MCPH1: variants seen among roughly 807,000 people sequenced by gnomAD.
MCPH1 encodes microcephalin.
Under a neutral mutation model 84.5 loss-of-function variants are expected in MCPH1, and 104 were observed. The observed-to-expected ratio is 1.23, with a 90% CI of 1.05 to 1.45. The LOEUF is 1.45. Among genes scored for constraint, MCPH1 ranks in the 40% most tolerant of loss-of-function variants. The pLI, the probability that MCPH1 is intolerant of heterozygous loss-of-function variation, is 0.00. For synonymous variants in MCPH1, 514 were observed against 366.8 expected (o/e 1.40, Z -4.58); for missense variants, 1,498 against 1,005.7 (o/e 1.49, Z -6.62).
intron 12 of MCPH1, among the ~76,000 whole-genome samples, chr8:6,563,613 C>G (rs573632845): frequency 4.6e-5 from 7 of 152,210 alleles, no homozygotes; most frequent in African/African-American, 1.7e-4. Flanking sequence ...CTGTTTTTTC[C>G]TTTAGGAATA....
chr8:6,507,572 C>CTTTTTTTTT (rs35163014), intron 12 of MCPH1: 203 of 104,664 alleles, frequency 1.9e-3, no homozygotes, highest in Middle Eastern at 7.0e-3. Context: ...ACTTTCTTTT[C>CTTTTTTTTT]TTTTTTTTTT....
intron 3 of MCPH1, among the ~76,000 whole-genome samples, chr8:6,428,529 G>A (rs1043043745): frequency 1.3e-5 from 2 of 152,104 alleles, no homozygotes; most frequent in Admixed American, 6.6e-5. Context: ...CTATTCTCCC[G>A]CCAGCCAAGG....
chr8:6,532,377 G>A, intron 12 of MCPH1: 1 of 1,613,996 alleles, frequency 6.2e-7, no homozygotes. Context: ...CCGCTGTTTG[G>A]TTCAACAGGT....
At chr8:6,436,220 T>A in intron 5 of MCPH1, 58 bp downstream of exon 5, 1 of 1,560,168 alleles carries the variant, frequency 6.4e-7, no homozygotes, top group Non-Finnish European at 8.8e-7. Flanking sequence ...CTTGTTTAAT[T>A]TGCATGATGA....
At chr8:6,622,052 C>T (rs760860300) in intron 13 of MCPH1, 1 of 374,190 alleles carries the variant, frequency 2.7e-6, no homozygotes, top group Non-Finnish European at 5.3e-6. Context: ...TGTCCTGCTT[C>T]AGGAGTCCCT....
At chr8:6,555,686 C>T (rs1824481377) in intron 12 of MCPH1, among the ~76,000 whole-genome samples, 1 of 152,064 alleles carries the variant, frequency 6.6e-6, no homozygotes, top group East Asian at 1.9e-4. Flanking sequence ...TGGTTTTGAA[C>T]TCCTGAGCTC....
At chr8:6,629,859 C>G (rs950783880) in intron 13 of MCPH1, among the ~76,000 whole-genome samples, 2 of 152,146 alleles carry the variant, frequency 1.3e-5, no homozygotes. Context: ...CCCTGATTTT[C>G]AGTTTAGAAT....
chr8:6,585,447 G>A (rs945433946), intron 12 of MCPH1, among the ~76,000 whole-genome samples: 11 of 152,324 alleles, frequency 7.2e-5, no homozygotes, highest in African/African-American at 1.4e-4. Context: ...CGGGAACGCC[G>A]GCTTTTCCCG....
chr8:6,535,369 AT>A (rs1820293157), intron 12 of MCPH1, among the ~76,000 whole-genome samples: 1 of 152,188 alleles, frequency 6.6e-6, no homozygotes, highest in Non-Finnish European at 1.5e-5. Flanking sequence ...TACAGGCCCA[AT>A]TTTAAAAAAT....
intron 6 of MCPH1, 128 bp downstream of exon 6, chr8:6,439,224 GCTGGCTTTGTTTTCCAGAA>G: frequency 4.1e-6 from 4 of 965,152 alleles, no homozygotes; most frequent in Non-Finnish European, 6.1e-6. Flanking sequence ...TTATTTCATG[GCTGGCTTTGTTTTCCAGAA>G]AATCTTATGC....
rs1798262896 is a variant in MCPH1 at position 6,647,368 on chromosome 8, G to A, written c.*4319G>A. ...AGCCACTTTGAAACACCATTTGGCA[G>A]TTGCTTAAAAAATTGAACATTCAAC... On this transcript the variant is annotated 3_prime_UTR_variant, in exon 14 of 14. Transcript: ENST00000344683. The A allele has an allele frequency of 1.3e-5, 2 of 152,176 alleles. No homozygotes were observed. The highest frequency in any genetic ancestry group is 2.9e-5 in the Non-Finnish European group (2 of 68,036). 9.4% of individuals were successfully genotyped at this position (152,176 alleles called of 1,614,324 possible). A position where few individuals can be genotyped will look rare whatever the true frequency, so the allele number is the denominator to read the frequency against.
In MCPH1 at chr8:6,563,030, C is replaced by T; in HGVS notation, c.2215-58424C>T. On this transcript the variant is annotated intron_variant, in intron 12 of 13. Transcript: ENST00000344683. ...TGCCGTCTAAAACGCAGGGCTGCTA[C>T]GCTGCCATGGCTGGGTCCGTCAATG... The T allele has an allele frequency of 5.2e-6, 7 of 1,357,162 alleles. No individual in the cohort carries two copies. In the South Asian group the frequency reaches 8.7e-5, roughly 17 times the overall value. 84.1% of individuals were successfully genotyped at this position (1,357,162 alleles called of 1,614,324 possible).
chr8:6,469,737 G>A (rs755782588), intron 9 of MCPH1, among the ~76,000 whole-genome samples: 34 of 152,080 alleles, frequency 2.2e-4, no homozygotes, highest in Non-Finnish European at 4.0e-4. Flanking sequence ...CTAATAAAAC[G>A]GGTATATCTG....
intron 12 of MCPH1, among the ~76,000 whole-genome samples, chr8:6,604,941 A>G (rs1009282895): frequency 2.6e-5 from 4 of 152,278 alleles, no homozygotes; most frequent in African/African-American, 9.6e-5. Context: ...AAGGAACCAC[A>G]GAATCAAACA....
At chr8:6,468,293 C>T (rs1014447181) in intron 9 of MCPH1, among the ~76,000 whole-genome samples, 1 of 152,126 alleles carries the variant, frequency 6.6e-6, no homozygotes, top group Non-Finnish European at 1.5e-5. Context: ...TTGGATGTTC[C>T]CGGGTGTCAC....
intron 2 of MCPH1, among the ~76,000 whole-genome samples, chr8:6,409,776 G>T (rs1256506339): frequency 6.6e-6 from 1 of 152,144 alleles, no homozygotes. Flanking sequence ...GATGATCTAG[G>T]GGGTCAGGAC....
rs141535273 is a variant in MCPH1, at chr8:6,435,627, G to T, written c.322-421G>T. On this transcript the variant is annotated intron_variant, in intron 4 of 13. Coordinates refer to ENST00000344683, the MANE Select transcript of MCPH1 (RefSeq NM_024596.5). ...AGGTTCTGCCCGTGGTTACATGCTT[G>T]GTTCACCTGGGCATGCTCAAGTGAC... is the stretch of plus-strand genomic sequence containing the variant. Among the ~76,000 whole-genome samples the T allele has an allele frequency of 6.2e-4, 94 of 152,212 alleles. 2 individuals are homozygous for T. In the East Asian group the frequency reaches 0.012, roughly 19 times the overall value.
intron 9 of MCPH1, among the ~76,000 whole-genome samples, chr8:6,459,521 G>T (rs1282549126): frequency 6.6e-6 from 1 of 152,158 alleles, no homozygotes; most frequent in Non-Finnish European, 1.5e-5. Flanking sequence ...TCTTGTAATT[G>T]AATATTAATG....
chr8:6,628,481 A>AC (rs1488504564), intron 13 of MCPH1, among the ~76,000 whole-genome samples: 5 of 151,492 alleles, frequency 3.3e-5, no homozygotes, highest in African/African-American at 1.2e-4. Flanking sequence ...AAAAAAAAAA[A>AC]AAAAAAAAAA....
Sources: allele counts gnomAD v4.1 joint callset (sites outside exome capture counted in the v4.1 genomes callset), GRCh38; gene constraint gnomAD v4.1.1; transcripts MANE v1.5; gene names NCBI Gene and HGNC (gene_info 2026-07-23, HGNC 2026-07-21).